The following KIAA1217 variants were observed in gnomAD, a reference collection of about 807,000 sequenced individuals.
The protein encoded by KIAA1217 is sickle tail protein homolog.
A neutral mutation model predicts 163.9 loss-of-function variants in KIAA1217; 88 were observed. The observed-to-expected ratio is 0.54, with a 90% CI of 0.45 to 0.64. The LOEUF is 0.64. Among genes scored for constraint, KIAA1217 ranks in the 30% least tolerant of loss-of-function variants. The pLI is 0.00. For synonymous variants in KIAA1217, 903 were observed against 923.1 expected, an observed-to-expected ratio of 0.98 and a Z score of 0.39; for missense variants, 2,372 against 2,475.0, an observed-to-expected ratio of 0.96 and a Z score of 0.88.
At chr10:23,832,245 G>A (rs998688739) in intron 1 of KIAA1217, among the ~76,000 whole-genome samples, 2 of 152,156 alleles carry the variant, frequency 1.3e-5, no homozygotes, top group African/African-American at 4.8e-5. Context: ...ACAGAACTCA[G>A]GGAAACACAA....
Position 24,219,914 on chromosome 10 carries a change from G to A in KIAA1217, c.354+5G>A, listed in dbSNP as rs368685083. On this transcript the variant is annotated splice_donor_5th_base_variant and intron_variant, in intron 2 of 20. Coordinates refer to ENST00000376454, the MANE Select transcript of KIAA1217 (RefSeq NM_019590.5). ...CAAGAGAGGCTGAGAGACCAGGTAC[G>A]AATATGCTCTCATTTCTCCTTGTGT... 7.6e-6 allele frequency: 12 copies of A among 1,579,698 alleles called. No individual in the cohort carries two copies. Among genetic ancestry groups the A allele is most frequent in the East Asian group, 6.7e-5 (3 of 44,548 alleles).
chr10:24,485,520 C>T (rs1210780168), intron 6 of KIAA1217, among the ~76,000 whole-genome samples: 4 of 152,172 alleles, frequency 2.6e-5, no homozygotes, highest in Admixed American at 6.5e-5. Flanking sequence ...CTTTCCTGGC[C>T]ATGACACTTG....
intron 2 of KIAA1217, among the ~76,000 whole-genome samples, chr10:24,309,558 A>G (rs2042442627): frequency 6.6e-6 from 1 of 152,172 alleles, no homozygotes; most frequent in Admixed American, 6.6e-5. Context: ...ACCCTTTTAC[A>G]TCCCAGAACC....
At chr10:23,845,206 A>C (rs1838967086) in intron 1 of KIAA1217, among the ~76,000 whole-genome samples, 1 of 152,134 alleles carries the variant, frequency 6.6e-6, no homozygotes, top group Admixed American at 6.5e-5. Flanking sequence ...ATACATGTGC[A>C]TGGTCTTTAT....
intron 1 of KIAA1217, among the ~76,000 whole-genome samples, chr10:23,802,586 T>C (rs7068322): frequency 0.23 from 35,390 of 152,190 alleles, 4,270 homozygotes; most frequent in Middle Eastern, 0.29. Context: ...GTTTTGATTT[T>C]AGAATAGTTG....
chr10:24,140,748 G>A (rs764107287), intron 2 of KIAA1217, among the ~76,000 whole-genome samples: 14 of 152,216 alleles, frequency 9.2e-5, no homozygotes, highest in Non-Finnish European at 1.8e-4. Context: ...AGGTGGGGCT[G>A]CTGTATATAA....
chr10:23,831,423 A>G (rs1463076331), intron 1 of KIAA1217, among the ~76,000 whole-genome samples: 1 of 152,154 alleles, frequency 6.6e-6, no homozygotes, highest in Non-Finnish European at 1.5e-5. Flanking sequence ...TACATAAGGA[A>G]TTCAAACAAC....
chr10:24,296,447 A>G (rs1023709487), intron 2 of KIAA1217, among the ~76,000 whole-genome samples: 5 of 152,156 alleles, frequency 3.3e-5, no homozygotes, highest in South Asian at 4.1e-4. Flanking sequence ...GGTGATTCCA[A>G]TGCAGCTGAG....
At chr10:23,740,624 T>C (rs890906118) in intron 1 of KIAA1217, among the ~76,000 whole-genome samples, 1 of 152,128 alleles carries the variant, frequency 6.6e-6, no homozygotes, top group African/African-American at 2.4e-5. Flanking sequence ...CCTCCCAAGG[T>C]GCTGTGATTA....
Position 24,543,521 on chromosome 10 carries a change from T to A in KIAA1217, c.4251T>A (p.Asp1417Glu). The change falls in exon 19 of 21, where the codon GAT (aspartate) becomes GAA (glutamate). Residue 1417 changes from aspartate to glutamate, a missense_variant. This residue lies in a region of KIAA1217 where 690 missense variants were observed against 677.5 expected (regional missense o/e 1.02). Coordinates refer to ENST00000376454, the MANE Select transcript of KIAA1217 (RefSeq NM_019590.5). The part of the protein sequence containing the change: ...KGEDIQTVNI[D>E]ARKEMTPRQE... The stretch of plus-strand genomic sequence containing the variant: ...AAGACATACAGACGGTTAATATCGA[T>A]GCCAGAAAAGAGATGACCCCCCGAC... 6.2e-7 allele frequency: 1 copy of A among 1,614,076 alleles called. No homozygotes were observed. Among genetic ancestry groups the A allele is most frequent in the Non-Finnish European group, 8.5e-7 (1 of 1,180,010 alleles).
chr10:24,318,163 A>C (rs1183507482), intron 2 of KIAA1217, among the ~76,000 whole-genome samples: 2 of 152,184 alleles, frequency 1.3e-5, no homozygotes, highest in East Asian at 3.8e-4. Flanking sequence ...AGATAATTAG[A>C]TAGAGATAGA....
At chr10:23,833,208 G>A (rs2131045329) in intron 1 of KIAA1217, among the ~76,000 whole-genome samples, 1 of 152,186 alleles carries the variant, frequency 6.6e-6, no homozygotes, top group East Asian at 1.9e-4. Context: ...TCCATTTAAA[G>A]GACCTAGCAA....
intron 13 of KIAA1217, 47 bp downstream of exon 13, chr10:24,524,811 ACATGGAC>A: frequency 6.9e-7 from 1 of 1,448,750 alleles, no homozygotes; most frequent in African/African-American, 1.4e-5. Flanking sequence ...GGAGTCTGAT[ACATGGAC>A]CTTTCCCTTA....
At chr10:24,326,240 A>C (rs2044867845) in intron 2 of KIAA1217, among the ~76,000 whole-genome samples, 1 of 152,176 alleles carries the variant, frequency 6.6e-6, no homozygotes, top group Non-Finnish European at 1.5e-5. Flanking sequence ...ATAGGCTACC[A>C]TTTTAATCAT....
At position 24,524,520 on chromosome 10, in the gene KIAA1217, G is replaced by A. The variant is rs772963538; in HGVS notation, c.2654G>A (p.Arg885His). ...GTGCCTTTGTCCGGCATGATGGTTC[G>A]CCACGCGCAGAGCTCCCCTGTGGTC... is the stretch of plus-strand genomic sequence containing the variant. Reference protein sequence around the residue: ...EVVPLSGMMVRHAQSSPVVIQ... With the variant: ...EVVPLSGMMVHHAQSSPVVIQ... The change falls in exon 13 of 21, where the codon CGC becomes CAC. Residue 885 changes from arginine to histidine, a missense_variant. Arg to His is a conservative substitution (Grantham distance 29). This residue lies in a region of KIAA1217 where 1,431 missense variants were observed against 1,470.3 expected (regional missense o/e 0.97). Transcript: ENST00000376454. 51 of 1,613,886 alleles carry A rather than the reference G, an allele frequency of 3.2e-5. No homozygotes were observed. The highest frequency in any genetic ancestry group is 3.3e-4 in the Middle Eastern group (2 of 6,084).
rs111343925 is a variant in KIAA1217 at position 23,837,741 on chromosome 10, G to A, written c.-321+142507G>A. Among the ~76,000 whole-genome samples the A allele has an allele frequency of 4.8e-3, 729 of 152,050 alleles. 10 individuals carry two copies. Among genetic ancestry groups the A allele is most frequent in the African/African-American group, 0.016 (660 of 41,480 alleles). On this transcript the variant is annotated intron_variant, in intron 1 of 18. Transcript: ENST00000376462. Reference sequence around the variant, plus strand: ...TTTTTTTTAGAGATGGGGTCTCACTGTGTTGCCTCGACTGATCTTGAACTC... The same window carrying A: ...TTTTTTTTAGAGATGGGGTCTCACTATGTTGCCTCGACTGATCTTGAACTC...
intron 4 of KIAA1217, among the ~76,000 whole-genome samples, chr10:24,435,215 T>A (rs2059928280): frequency 6.6e-6 from 1 of 152,216 alleles, no homozygotes; most frequent in African/African-American, 2.4e-5. Context: ...TACATCTGTT[T>A]CACAACCTTA....
intron 2 of KIAA1217, among the ~76,000 whole-genome samples, chr10:24,344,983 G>T (rs948906010): frequency 5.9e-5 from 9 of 152,114 alleles, no homozygotes; most frequent in Non-Finnish European, 1.2e-4. Flanking sequence ...TGGGCAATTT[G>T]GTTGCTTCTG....
chr10:24,381,680 G>A (rs2053324724), intron 3 of KIAA1217, among the ~76,000 whole-genome samples: 1 of 152,132 alleles, frequency 6.6e-6, no homozygotes, highest in Non-Finnish European at 1.5e-5. Flanking sequence ...AAAAAATTAG[G>A]GACCAGTGCT....
Sources: gnomAD v4.1 joint callset for allele counts (sites outside exome capture counted in the v4.1 genomes callset) on GRCh38, gnomAD v4.1.1 for gene constraint, gnomAD v4.1.1 regional missense constraint, MANE v1.5 for transcripts, NCBI Gene and HGNC (gene_info 2026-07-23, HGNC 2026-07-21) for gene names.